The following STAT3 variants were observed in gnomAD, a reference collection of about 807,000 sequenced individuals.
STAT3 encodes DNA-binding protein APRF.
In STAT3, 7 loss-of-function variants were observed where a neutral mutation model predicts 114.3. That is an observed-to-expected ratio of 0.06 (90% CI 0.03 to 0.11). The LOEUF is 0.11. Among genes scored for constraint, STAT3 ranks in the 10% least tolerant of loss-of-function variants. STAT3 has a pLI of 1.00. For missense variants in STAT3, 364 were observed against 960.9 expected (o/e 0.38, Z 8.21); for synonymous variants, 331 against 354.5 (o/e 0.93, Z 0.74).
At chr17:42,378,735 T>C (rs2084612346) in intron 1 of STAT3, among the ~76,000 whole-genome samples, 1 of 152,204 alleles carries the variant, frequency 6.6e-6, no homozygotes, top group African/African-American at 2.4e-5. Context: ...CTCAATGCAA[T>C]ATTGCACTTT....
intron 14 of STAT3, among the ~76,000 whole-genome samples, 156 bp from the exon 15 acceptor site, chr17:42,326,355 A>C (rs1345332855): frequency 6.6e-6 from 1 of 152,062 alleles, no homozygotes; most frequent in East Asian, 1.9e-4. Context: ...AAAAAATACA[A>C]AAATTAGCTG....
rs2083116459 is a variant in STAT3 at position 42,354,257 on chromosome 17, C to A, written c.-23-5718G>T. On this transcript the variant is annotated intron_variant, in intron 1 of 23. Coordinates refer to ENST00000264657, the MANE Select transcript of STAT3 (RefSeq NM_139276.3). Reference sequence around the variant, plus strand: ...CGATCTTGGCTCACTGCAGCCTCCACCTCCCAGGTTCAAGCGATTCTCCTG... The same window carrying A: ...CGATCTTGGCTCACTGCAGCCTCCAACTCCCAGGTTCAAGCGATTCTCCTG... 4.0e-5 allele frequency among the ~76,000 whole-genome samples: 6 copies of A among 148,560 alleles called. No homozygotes were observed. The South Asian group carries it at 1.3e-3, about 32-fold the overall frequency.
In STAT3 at chr17:42,329,661, G is replaced by T; in HGVS notation, c.1140-14C>A. 6.2e-7 allele frequency: 1 copy of T among 1,614,104 alleles called. No homozygotes were observed. Among genetic ancestry groups the T allele is most frequent in the South Asian group, 1.1e-5 (1 of 91,086 alleles). ...AATTTCCGGGATCTGAATCACAGGG[G>T]AACAATCAACTATGTAGGTGACCAA... On this transcript the variant is annotated splice_polypyrimidine_tract_variant and intron_variant, in intron 12 of 23. Coordinates refer to ENST00000264657, the MANE Select transcript of STAT3 (RefSeq NM_139276.3).
chr17:42,314,316 G>C lies in STAT3; in HGVS notation c.*1429C>G, dbSNP rs1028933365. The C allele has an allele frequency of 1.3e-5, 3 of 233,436 alleles. No homozygotes were observed. The highest frequency in any genetic ancestry group is 2.2e-5 in the African/African-American group (1 of 45,316). 14.5% of individuals were successfully genotyped at this position (233,436 alleles called of 1,614,324 possible). On this transcript the variant is annotated 3_prime_UTR_variant, in exon 24 of 24. Transcript: ENST00000264657. Reference sequence around the variant, plus strand: ...GAACCATATTCCCTGAGCTCAACCAGACACGTCGCTGGGGCCCCATAGTGT... The same window carrying C: ...GAACCATATTCCCTGAGCTCAACCACACACGTCGCTGGGGCCCCATAGTGT...
intron 1 of STAT3, among the ~76,000 whole-genome samples, chr17:42,383,197 C>G (rs1349694098): frequency 6.6e-6 from 1 of 152,116 alleles, no homozygotes; most frequent in Non-Finnish European, 1.5e-5. Context: ...GCTGGAACTA[C>G]AGGCGTGTGC....
chr17:42,354,803 T>C (rs1337925995), intron 1 of STAT3, among the ~76,000 whole-genome samples: 2 of 51,688 alleles, frequency 3.9e-5, no homozygotes, highest in Non-Finnish European at 6.8e-5. Flanking sequence ...TGAGACTCTG[T>C]CTCAAAAAAA....
chr17:42,347,610 A>C (rs539235117), intron 2 of STAT3, among the ~76,000 whole-genome samples: 29 of 152,160 alleles, frequency 1.9e-4, no homozygotes, highest in Non-Finnish European at 3.7e-4. Flanking sequence ...CAAATCTCAT[A>C]CTGAAATGTA....
At chr17:42,384,376 C>T (rs1212107767) in intron 1 of STAT3, among the ~76,000 whole-genome samples, 1 of 152,004 alleles carries the variant, frequency 6.6e-6, no homozygotes, top group Non-Finnish European at 1.5e-5. Flanking sequence ...GTGATCCGCG[C>T]GTCTGGGCCT....
At chr17:42,328,873 A>C (rs1212080012) in intron 14 of STAT3, among the ~76,000 whole-genome samples, 1 of 152,210 alleles carries the variant, frequency 6.6e-6, no homozygotes, top group East Asian at 1.9e-4. Context: ...ATCTGAATCA[A>C]TGAAAAGCAG....
In STAT3 at chr17:42,323,281, A is replaced by G. The variant is rs751201012; in HGVS notation, c.1727T>C (p.Ile576Thr). The change falls in exon 19 of 24, where the codon ATC becomes ACC. Residue 576 changes from isoleucine to threonine, a missense_variant. Ile to Thr is a moderately conservative substitution (Grantham distance 89). This residue lies in a region of STAT3 where 294 missense variants were observed against 745.1 expected (regional missense o/e 0.39). Coordinates refer to ENST00000264657, the MANE Select transcript of STAT3 (RefSeq NM_139276.3). ...CTACCCTTCGTTCCAAAGGGCCAGG[A>G]TGTACTTTTTCACAAGGTCAATGAT... Reference protein sequence around the residue: ...DNIIDLVKKYILALWNEGYIM... With the variant: ...DNIIDLVKKYTLALWNEGYIM... 1 of 1,614,156 alleles carries G rather than the reference A, an allele frequency of 6.2e-7. No individual in the cohort carries two copies. Among genetic ancestry groups the G allele is most frequent in the South Asian group, 1.1e-5 (1 of 91,078 alleles).
At chr17:42,347,351 G>GT (rs371336039) in intron 2 of STAT3, among the ~76,000 whole-genome samples, 45 of 152,286 alleles carry the variant, frequency 3.0e-4, no homozygotes, top group African/African-American at 1.1e-3. Flanking sequence ...GTACAAATAA[G>GT]TAATCCCAGG....
intron 4 of STAT3, among the ~76,000 whole-genome samples, chr17:42,340,956 T>A (rs1055815662): frequency 1.3e-5 from 2 of 152,098 alleles, no homozygotes; most frequent in Non-Finnish European, 1.5e-5. Context: ...AAGCTCCATA[T>A]GGATGGCTGG....
Position 42,338,753 on chromosome 17 carries a change from A to G in STAT3, c.528T>C (p.Tyr176=), listed in dbSNP as rs1191130127. 13 of 1,613,754 alleles carry G rather than the reference A, an allele frequency of 8.1e-6. No homozygotes were observed. The highest frequency in any genetic ancestry group is 1.1e-5 in the Non-Finnish European group (13 of 1,179,852). ...ENLQDDFDFN[Y]KTLKSQGDMQ... is the part of the protein sequence containing the mutation. ...TGCCTCCTTGACTCTTGAGGGTTTTATAGTTGAAATCAAAGTCATCCTGGA... is the reference window on the plus strand; with the variant it reads ...TGCCTCCTTGACTCTTGAGGGTTTTGTAGTTGAAATCAAAGTCATCCTGGA... Residue 176 remains tyrosine, a synonymous_variant, in exon 6 of 24, where the codon TAT becomes TAC. Coordinates refer to ENST00000264657, the MANE Select transcript of STAT3 (RefSeq NM_139276.3).
Position 42,316,773 on chromosome 17 carries a change from T to C in STAT3, c.2257+16A>G, listed in dbSNP as rs765471971. On this transcript the variant is annotated intron_variant, in intron 23 of 23. Transcript: ENST00000264657. ...ACTTCCCTTATAGGGACAAAGTCTG[T>C]CAACCAAATACTCACCAAACTGCCC... The C allele has an allele frequency of 6.2e-7, 1 of 1,613,748 alleles. No homozygotes were observed. The highest frequency in any genetic ancestry group is 2.2e-5 in the East Asian group (1 of 44,844).
At position 42,322,385 on chromosome 17, in the gene STAT3, C is replaced by T. The variant is rs1370284755; in HGVS notation, c.1998G>A (p.Leu666=). The T allele has an allele frequency of 2.5e-6, 4 of 1,614,070 alleles. No individual in the cohort carries two copies. The highest frequency in any genetic ancestry group is 2.2e-5 in the South Asian group (2 of 91,088). Residue 666 remains leucine (L), a synonymous_variant, in exon 21 of 24, where the codon CTG becomes CTA. Coordinates refer to ENST00000264657, the MANE Select transcript of STAT3 (RefSeq NM_139276.3). ...GATAGAGATAGACCAGTGGAGACAC[C>T]AGGATATTGGTAGCATCCATGATCT... ...GYKIMDATNI[L]VSPLVYLYPD... is the part of the protein sequence containing the mutation.
intron 1 of STAT3, among the ~76,000 whole-genome samples, chr17:42,386,052 T>C (rs1378254522): frequency 6.6e-6 from 1 of 151,994 alleles, no homozygotes; most frequent in Non-Finnish European, 1.5e-5. Flanking sequence ...GAGATAGAGG[T>C]GGGCAAATCA....
chr17:42,379,880 T>A (rs1308111785), intron 1 of STAT3, among the ~76,000 whole-genome samples: 1 of 152,170 alleles, frequency 6.6e-6, no homozygotes, highest in Non-Finnish European at 1.5e-5. Context: ...AAGTCCCCCA[T>A]CCCTATTCAT....
In STAT3 at chr17:42,328,869, A is replaced by C. The variant is rs567412881; in HGVS notation, c.1281+541T>G. Among the ~76,000 whole-genome samples, 7 of 152,330 alleles carry C rather than the reference A, an allele frequency of 4.6e-5. No homozygotes were observed. In the East Asian group the frequency reaches 1.3e-3, roughly 29 times the overall value. ...TGACAATAAGAATCCAATAATCTGA[A>C]TCAATGAAAAGCAGAAAATAAGGGG... On this transcript the variant is annotated intron_variant, in intron 14 of 23. Transcript: ENST00000264657.
Position 42,337,655 on chromosome 17 carries a change from A to G in STAT3, c.646-69T>C, listed in dbSNP as rs2082281931. On this transcript the variant is annotated intron_variant, in intron 7 of 23. Coordinates refer to ENST00000264657, the MANE Select transcript of STAT3 (RefSeq NM_139276.3). The surrounding 1 kb of genome is among the most constrained non-coding windows in gnomAD (Gnocchi z 4.0). ...TGTCTCTAACCACATTCTTTAGTCA[A>G]CTCCAGAGCAGGAACTTCTTAGAAA... 2 of 1,613,964 alleles carry G rather than the reference A, an allele frequency of 1.2e-6. No homozygotes were observed. The highest frequency in any genetic ancestry group is 1.7e-5 in the Admixed American group (1 of 60,014).
Sources: gnomAD v4.1 joint callset for allele counts (sites outside exome capture counted in the v4.1 genomes callset) on GRCh38, gnomAD v4.1.1 for gene constraint, gnomAD v4.1.1 regional missense constraint, Gnocchi (gnomAD v3.1) non-coding constraint, MANE v1.5 for transcripts, NCBI Gene and HGNC (gene_info 2026-07-23, HGNC 2026-07-21) for gene names.